The following PTPRD variants were observed in gnomAD, a reference collection of about 807,000 sequenced individuals.
The protein encoded by PTPRD is receptor-type tyrosine-protein phosphatase delta.
In PTPRD, 34 loss-of-function variants were observed where a neutral mutation model predicts 214.5. The observed-to-expected ratio is 0.16, with a 90% CI of 0.12 to 0.21. The LOEUF (loss-of-function observed/expected upper bound fraction) is 0.21. PTPRD is among the 10% of genes least tolerant of loss of function. The pLI is 1.00. For synonymous variants in PTPRD, 1,128 were observed against 845.7 expected (o/e 1.33, Z -5.79); for missense variants, 2,545 against 2,398.7 (o/e 1.06, Z -1.27).
chr9:10,546,626 G>A (rs531088861), intron 2 of PTPRD, among the ~76,000 whole-genome samples: 1 of 152,078 alleles, frequency 6.6e-6, no homozygotes, highest in South Asian at 2.1e-4. Flanking sequence ...AATATGGAAA[G>A]CATTATATGC....
At chr9:8,796,256 T>C (rs892504402) in intron 11 of PTPRD, among the ~76,000 whole-genome samples, 7 of 152,224 alleles carry the variant, frequency 4.6e-5, no homozygotes, top group Non-Finnish European at 7.3e-5. Context: ...AAATTTTAAT[T>C]ATACTGGAAT....
intron 3 of PTPRD, among the ~76,000 whole-genome samples, chr9:10,034,709 G>A (rs998462215): frequency 6.6e-6 from 1 of 152,092 alleles, no homozygotes; most frequent in Admixed American, 6.6e-5. Flanking sequence ...GTTTTCTAAG[G>A]ATAATGGTCT....
chr9:9,465,987 C>T (rs2094123033), intron 8 of PTPRD, among the ~76,000 whole-genome samples: 1 of 152,016 alleles, frequency 6.6e-6, no homozygotes, highest in Non-Finnish European at 1.5e-5. Context: ...TATTTAATTC[C>T]ATAGCATTGT....
intron 7 of PTPRD, among the ~76,000 whole-genome samples, chr9:9,722,553 A>T (rs1438620276): frequency 1.3e-5 from 2 of 152,060 alleles, no homozygotes; most frequent in Admixed American, 6.6e-5. Context: ...TTATATAGAC[A>T]TATATTTTCA....
At chr9:9,368,712 C>G (rs1486743151) in intron 9 of PTPRD, among the ~76,000 whole-genome samples, 1 of 151,662 alleles carries the variant, frequency 6.6e-6, no homozygotes, top group Admixed American at 6.6e-5. Flanking sequence ...AAAAATATTC[C>G]TATTTTTAGG....
chr9:8,774,527 CTTTTTTTTTTTT>C (rs564318443), intron 11 of PTPRD, among the ~76,000 whole-genome samples: 3 of 105,226 alleles, frequency 2.9e-5, no homozygotes, highest in Admixed American at 1.2e-4. Context: ...TGAAAAGTAA[CTTTTTTTTTTTT>C]TTTTTTTTTT....
chr9:9,381,675 TG>T (rs1569567857), intron 9 of PTPRD, among the ~76,000 whole-genome samples: 1 of 111,812 alleles, frequency 8.9e-6, no homozygotes. Context: ...AAAAAGTGTT[TG>T]TTTTTTTTTG....
chr9:9,038,037 A>T (rs1266759326), intron 10 of PTPRD, among the ~76,000 whole-genome samples: 1 of 152,188 alleles, frequency 6.6e-6, no homozygotes, highest in Non-Finnish European at 1.5e-5. Flanking sequence ...TAAAATAAAT[A>T]AAATATTGAA....
chr9:9,357,779 A>C (rs1016298140), intron 9 of PTPRD, among the ~76,000 whole-genome samples: 11 of 150,992 alleles, frequency 7.3e-5, no homozygotes, highest in African/African-American at 2.4e-4. Flanking sequence ...ACCCTGTCTC[A>C]AGCAATTGGA....
At chr9:8,551,752 A>G (rs948794461) in intron 14 of PTPRD, among the ~76,000 whole-genome samples, 1 of 152,240 alleles carries the variant, frequency 6.6e-6, no homozygotes, top group Non-Finnish European at 1.5e-5. Flanking sequence ...CATAATGAAG[A>G]AAGTCCACAA....
chr9:10,139,149 A>G (rs537543224), intron 3 of PTPRD, among the ~76,000 whole-genome samples: 1 of 152,134 alleles, frequency 6.6e-6, no homozygotes, highest in Non-Finnish European at 1.5e-5. Flanking sequence ...AACCAGGAAG[A>G]TTCCCCCAAA....
At chr9:8,712,841 C>CCCGAGTAGCTGGGGCCACAGGCACCCG in intron 12 of PTPRD, among the ~76,000 whole-genome samples, 1 of 152,186 alleles carries the variant, frequency 6.6e-6, no homozygotes, top group Admixed American at 6.5e-5. Context: ...GTCTCAGCCT[C>CCCGAGTAGCTGGGGCCACAGGCACCCG]CCGAGTAGCT....
intron 10 of PTPRD, among the ~76,000 whole-genome samples, chr9:9,135,152 G>A (rs988546678): frequency 3.9e-5 from 6 of 152,148 alleles, no homozygotes; most frequent in Admixed American, 2.0e-4. Flanking sequence ...GTTTAAAGAC[G>A]TATCATATTT....
chr9:8,663,339 A>T (rs2097103164), intron 12 of PTPRD, among the ~76,000 whole-genome samples: 1 of 149,988 alleles, frequency 6.7e-6, no homozygotes, highest in African/African-American at 2.5e-5. Flanking sequence ...GGAAAAAGCT[A>T]CTATTAAGAA....
chr9:9,130,533 A>C (rs1027339102), intron 10 of PTPRD, among the ~76,000 whole-genome samples: 92 of 152,288 alleles, frequency 6.0e-4, no homozygotes, highest in African/African-American at 2.0e-3. Context: ...GAAAACAATC[A>C]ATATCTAGGA....
At chr9:9,987,423 G>A (rs2095755471) in intron 4 of PTPRD, among the ~76,000 whole-genome samples, 1 of 152,124 alleles carries the variant, frequency 6.6e-6, no homozygotes, top group Non-Finnish European at 1.5e-5. Flanking sequence ...AGAAGGCAAG[G>A]AGGAGCAAGT....
chr9:10,001,468 C>G (rs1268407339), intron 4 of PTPRD, among the ~76,000 whole-genome samples: 1 of 152,024 alleles, frequency 6.6e-6, no homozygotes, highest in East Asian at 1.9e-4. Flanking sequence ...ACATCATAGT[C>G]AAATTATCAG....
intron 8 of PTPRD, among the ~76,000 whole-genome samples, chr9:9,493,052 T>G (rs1214344940): frequency 6.7e-6 from 1 of 150,052 alleles, no homozygotes; most frequent in Non-Finnish European, 1.5e-5. Flanking sequence ...GTCCCTGAAA[T>G]AAAACAATAT....
chr9:8,758,333 C>A (rs1281104184), intron 11 of PTPRD, among the ~76,000 whole-genome samples: 1 of 152,182 alleles, frequency 6.6e-6, no homozygotes, highest in African/African-American at 2.4e-5. Flanking sequence ...TAACTCATTA[C>A]ATACAATAGA....
Sources: gnomAD v4.1 joint callset for allele counts (sites outside exome capture counted in the v4.1 genomes callset) on GRCh38, gnomAD v4.1.1 for gene constraint, MANE v1.5 for transcripts, NCBI Gene and HGNC (gene_info 2026-07-23, HGNC 2026-07-21) for gene names.